The following SMAD1 variants were observed in gnomAD, a reference collection of about 807,000 sequenced individuals.
SMAD1 encodes MAD, mothers against decapentaplegic homolog 1.
A neutral mutation model predicts 41.6 loss-of-function variants in SMAD1; 6 were observed. The observed-to-expected ratio is 0.14, with a 90% CI of 0.08 to 0.28. SMAD1 has a LOEUF of 0.28. Among genes scored for constraint, SMAD1 ranks in the 10% least tolerant of loss-of-function variants. The pLI is 1.00. For missense variants in SMAD1, 379 were observed against 582.6 expected (o/e 0.65, Z 3.60); for synonymous variants, 206 against 203.2 (o/e 1.01, Z -0.12).
Position 145,514,118 on chromosome 4 carries a change from C to A in SMAD1, c.-176-320C>A, listed in dbSNP as rs1417782884. 6.6e-6 allele frequency among the ~76,000 whole-genome samples: 1 copy of A among 152,148 alleles called. No homozygotes were observed. Among genetic ancestry groups the A allele is most frequent in the African/African-American group, 2.4e-5 (1 of 41,434 alleles). Reference sequence around the variant, plus strand: ...TCTCTTCCTGGCTTGCAGATGATCACCTTCTTGCAGTACCCTCAGTGTGTG... The same window carrying A: ...TCTCTTCCTGGCTTGCAGATGATCAACTTCTTGCAGTACCCTCAGTGTGTG... On this transcript the variant is annotated intron_variant, in intron 1 of 6. Coordinates refer to ENST00000302085, the MANE Select transcript of SMAD1 (RefSeq NM_005900.3). This position sits in a 1 kb window ranked among gnomAD's most constrained non-coding sequence, Gnocchi z 4.7.
At chr4:145,486,509 G>A (rs2126929390) in intron 1 of SMAD1, among the ~76,000 whole-genome samples, 1 of 146,672 alleles carries the variant, frequency 6.8e-6, no homozygotes, top group Non-Finnish European at 1.5e-5. Context: ...GTTTTACAAG[G>A]TCAGGGCTGT....
At chr4:145,535,406 C>G (rs944022256) in intron 2 of SMAD1, among the ~76,000 whole-genome samples, 2 of 152,154 alleles carry the variant, frequency 1.3e-5, no homozygotes, top group African/African-American at 4.8e-5. Flanking sequence ...ATTACATTTT[C>G]TGGTAAAATA....
intron 5 of SMAD1, among the ~76,000 whole-genome samples, chr4:145,549,222 G>T (rs1732421601): frequency 6.6e-6 from 1 of 152,152 alleles, no homozygotes; most frequent in South Asian, 2.1e-4. Flanking sequence ...TATTAATACT[G>T]TAAGGGACAT....
In SMAD1 at chr4:145,520,729, A is replaced by C. The variant is rs78701626; in HGVS notation, c.400+5716A>C. 2.6e-5 allele frequency among the ~76,000 whole-genome samples: 4 copies of C among 152,332 alleles called. No individual in the cohort carries two copies. The East Asian group carries it at 7.7e-4, about 29-fold the overall frequency. On this transcript the variant is annotated intron_variant, in intron 2 of 6. Coordinates refer to ENST00000302085, the MANE Select transcript of SMAD1 (RefSeq NM_005900.3). ...AGTCTATGCTTTTGTTATTCGGCTC[A>C]GTGCAAGTTTTGGAATTGTTCTTTA... is the stretch of plus-strand genomic sequence containing the variant.
At position 145,558,035 on chromosome 4, in the gene SMAD1, A is replaced by G; in HGVS notation, c.*101A>G. ...TGAGAACTGACAAAGGAGCCTTGAT[A>G]ATACTTGACCTCTGTGACCAACTGT... is the stretch of plus-strand genomic sequence containing the variant. On this transcript the variant is annotated 3_prime_UTR_variant, in exon 7 of 7. Transcript: ENST00000302085. The G allele has an allele frequency of 3.7e-6, 3 of 805,976 alleles. No individual in the cohort carries two copies. The highest frequency in any genetic ancestry group is 3.8e-5 in the South Asian group (1 of 26,506). 49.9% of individuals were successfully genotyped at this position (805,976 alleles called of 1,614,324 possible).
chr4:145,495,115 C>T (rs1321514306), intron 1 of SMAD1, among the ~76,000 whole-genome samples: 1 of 152,050 alleles, frequency 6.6e-6, no homozygotes, highest in Non-Finnish European at 1.5e-5. Context: ...TTGGTTGTCA[C>T]GAATTGGAGG....
intron 1 of SMAD1, among the ~76,000 whole-genome samples, chr4:145,492,009 G>A (rs1050210301): frequency 6.6e-6 from 1 of 151,524 alleles, no homozygotes; most frequent in Non-Finnish European, 1.5e-5. Flanking sequence ...ACCTTATAAT[G>A]TTTAAAAAAA....
Position 145,518,567 on chromosome 4 carries a change from A to C in SMAD1, c.400+3554A>C, listed in dbSNP as rs16998659. On this transcript the variant is annotated intron_variant, in intron 2 of 6. Coordinates refer to ENST00000302085, the MANE Select transcript of SMAD1 (RefSeq NM_005900.3). The stretch of plus-strand genomic sequence containing the variant: ...ATTGAAGCCCTCTATAAAGCCGTAC[A>C]GAGTACACCTGGGTATTGTTTTTGT... Among the ~76,000 whole-genome samples the C allele has an allele frequency of 1.6e-5, 2 of 124,670 alleles. 1 individual carries two copies. The highest frequency in any genetic ancestry group is 5.2e-4 in the South Asian group (2 of 3,812). 81.8% of individuals were successfully genotyped at this position (124,670 alleles called of 152,430 possible). A position where few individuals can be genotyped will look rare whatever the true frequency, so the allele number is the denominator to read the frequency against.
intron 1 of SMAD1, among the ~76,000 whole-genome samples, chr4:145,486,391 C>G (rs745739470): frequency 1.3e-5 from 2 of 152,142 alleles, no homozygotes; most frequent in Non-Finnish European, 2.9e-5. Context: ...GTTTGTCTGT[C>G]TTACCAAAAT....
intron 2 of SMAD1, among the ~76,000 whole-genome samples, chr4:145,518,489 C>CAA (rs1182470055): frequency 1.2e-5 from 1 of 84,076 alleles, no homozygotes. Flanking sequence ...AACTCCATCT[C>CAA]AAAAAAAAAA....
intron 3 of SMAD1, 45 bp from the exon 4 acceptor site, chr4:145,542,537 A>T (rs771891290): frequency 8.6e-7 from 1 of 1,169,028 alleles, no homozygotes. Context: ...TTGAGCATGT[A>T]TGTTTACTAA....
At chr4:145,553,211 T>C (rs998434413) in intron 5 of SMAD1, among the ~76,000 whole-genome samples, 1 of 151,868 alleles carries the variant, frequency 6.6e-6, no homozygotes, top group African/African-American at 2.4e-5. Context: ...GTGCCTGGCC[T>C]ATTACTATTT....
intron 2 of SMAD1, among the ~76,000 whole-genome samples, chr4:145,521,503 A>C (rs955426823): frequency 6.6e-6 from 1 of 152,172 alleles, no homozygotes; most frequent in African/African-American, 2.4e-5. Flanking sequence ...CAGCTGTTTA[A>C]AATTCACGTA....
intron 5 of SMAD1, among the ~76,000 whole-genome samples, chr4:145,553,079 A>AT (rs113208405): frequency 0.55 from 76,113 of 138,484 alleles, 21,137 homozygotes; most frequent in African/African-American, 0.63. Flanking sequence ...AATTTTTTGT[A>AT]TTTTTTTTTT....
intron 1 of SMAD1, among the ~76,000 whole-genome samples, chr4:145,496,395 TA>T (rs777808533): frequency 1.3e-5 from 2 of 152,124 alleles, no homozygotes; most frequent in Non-Finnish European, 2.9e-5. Context: ...GTGTAAGGAT[TA>T]AGAGACCTAT....
chr4:145,544,089 G>A (rs893613955), intron 4 of SMAD1: 4 of 151,974 alleles, frequency 2.6e-5, no homozygotes, highest in African/African-American at 4.8e-5. Context: ...GAACCCTGAC[G>A]CAAACCGTAG....
At chr4:145,529,219 G>A (rs972641006) in intron 2 of SMAD1, among the ~76,000 whole-genome samples, 1 of 152,152 alleles carries the variant, frequency 6.6e-6, no homozygotes, top group East Asian at 1.9e-4. Flanking sequence ...GGCTTTTGAA[G>A]GTATTTTTTT....
At chr4:145,511,194 T>A (rs74998008) in intron 1 of SMAD1, among the ~76,000 whole-genome samples, 1 of 152,218 alleles carries the variant, frequency 6.6e-6, no homozygotes, top group Non-Finnish European at 1.5e-5. Context: ...TTGCTTATAC[T>A]TTGGGATTAT....
At position 145,522,676 on chromosome 4, in the gene SMAD1, G is replaced by GT. The variant is rs571282463; in HGVS notation, c.400+7670dup. Among the ~76,000 whole-genome samples, 315 of 149,440 alleles carry GT rather than the reference G, an allele frequency of 2.1e-3. 2 individuals are homozygous for GT. Among genetic ancestry groups the GT allele is most frequent in the African/African-American group, 7.8e-3 (305 of 39,174 alleles). ...AATGTGTTTTGTTTTGTTTTGTTTT[G>GT]TTTTTTTGTTTTTTTTAATTTGAGA... On this transcript the variant is annotated intron_variant, in intron 2 of 6. Coordinates refer to ENST00000302085, the MANE Select transcript of SMAD1 (RefSeq NM_005900.3).
Sources: allele counts gnomAD v4.1 joint callset (sites outside exome capture counted in the v4.1 genomes callset), GRCh38; gene constraint gnomAD v4.1.1; non-coding constraint Gnocchi (gnomAD v3.1); transcripts MANE v1.5; gene names NCBI Gene and HGNC (gene_info 2026-07-23, HGNC 2026-07-21).